The following PARK7 variants were observed in gnomAD, a reference collection of about 807,000 sequenced individuals.
PARK7 encodes Parkinsonism associated deglycase.
PARK7 carries 14 observed loss-of-function variants against 20.5 expected under a neutral mutation model. That is an observed-to-expected ratio of 0.68 (90% CI 0.45 to 1.07). The LOEUF is 1.07. Ranked by LOEUF, PARK7 falls within the 50% of genes least tolerant of loss-of-function variation. PARK7 has a pLI of 0.00. For missense variants in PARK7, 234 were observed against 238.1 expected, an observed-to-expected ratio of 0.98 and a Z score of 0.11; for synonymous variants, 98 against 84.3, an observed-to-expected ratio of 1.16 and a Z score of -0.89.
intron 2 of PARK7, among the ~76,000 whole-genome samples, chr1:7,963,513 G>A (rs1374040337): frequency 6.6e-6 from 1 of 151,662 alleles, no homozygotes; most frequent in Non-Finnish European, 1.5e-5. Flanking sequence ...CCTCAGCTGG[G>A]ATTACAGGTG....
In PARK7 at chr1:7,984,301, T is replaced by A. The variant is rs225119; in HGVS notation, c.410-593T>A. On this transcript the variant is annotated intron_variant, in intron 6 of 6. Coordinates refer to ENST00000338639, the MANE Select transcript of PARK7 (RefSeq NM_007262.5). The surrounding 1 kb of genome is among the most constrained non-coding windows in gnomAD (Gnocchi z 4.3). ...GGGCAGAGCTCAGGGCATCCATGCTTAAGAGTCCCAGTTTTGGTATTATAT... is the reference window on the plus strand; with the variant it reads ...GGGCAGAGCTCAGGGCATCCATGCTAAAGAGTCCCAGTTTTGGTATTATAT... Among the ~76,000 whole-genome samples the A allele has an allele frequency of 3.9e-5, 6 of 151,956 alleles. No individual in the cohort carries two copies. The highest frequency in any genetic ancestry group is 1.5e-4 in the African/African-American group (6 of 41,374).
At chr1:7,983,288 G>T (rs1388675875) in intron 6 of PARK7, among the ~76,000 whole-genome samples, 1 of 152,230 alleles carries the variant, frequency 6.6e-6, no homozygotes, top group Non-Finnish European at 1.5e-5. Flanking sequence ...TGCGTGGCCG[G>T]TGCATCAGGA....
At chr1:7,965,669 G>A (rs1184769973) in intron 3 of PARK7, among the ~76,000 whole-genome samples, 2 of 152,192 alleles carry the variant, frequency 1.3e-5, no homozygotes, top group African/African-American at 4.8e-5. Flanking sequence ...TTGGATGTGT[G>A]GCCAGATGGG....
chr1:7,969,362 G>A lies in PARK7; in HGVS notation c.210G>A (p.Val70=). ...TGTTACAGGGACCATATGATGTGGT[G>A]GTTCTACCAGGAGGTAATCTGGGCG... ...DAKKEGPYDV[V]VLPGGNLGAQ... is the part of the protein sequence containing the mutation. The change falls in exon 4 of 7, where the codon GTG becomes GTA. Residue 70 remains valine (V), a synonymous_variant. Coordinates refer to ENST00000338639, the MANE Select transcript of PARK7 (RefSeq NM_007262.5). The A allele has an allele frequency of 6.2e-7, 1 of 1,610,684 alleles. No individual in the cohort carries two copies.
chr1:7,966,759 G>A (rs1640339392), intron 3 of PARK7, among the ~76,000 whole-genome samples: 1 of 152,038 alleles, frequency 6.6e-6, no homozygotes, highest in African/African-American at 2.4e-5. Context: ...TTGTGTTTTT[G>A]TCATATGATG....
chr1:7,976,912 G>C (rs1640594629), intron 5 of PARK7, among the ~76,000 whole-genome samples: 1 of 152,116 alleles, frequency 6.6e-6, no homozygotes, highest in Non-Finnish European at 1.5e-5. Context: ...AGTAGAGACA[G>C]GGTTCCAGCG....
rs186710801 is a variant in PARK7, at chr1:7,977,557, T to C, written c.323-95T>C. ...ACCTAGGCCTCCCCAATTGCTGGGATTACAGGCATGAGCCACTGTGCCAGG... is the reference window on the plus strand; with the variant it reads ...ACCTAGGCCTCCCCAATTGCTGGGACTACAGGCATGAGCCACTGTGCCAGG... On this transcript the variant is annotated intron_variant, in intron 5 of 6. Transcript: ENST00000338639. 776 of 1,103,372 alleles carry C rather than the reference T, an allele frequency of 7.0e-4. 6 individuals carry two copies. In the African/African-American group the frequency reaches 0.01, roughly 15 times the overall value. The allele number at this position is 1,103,372 out of a possible 1,614,324, so 68.3% of individuals were successfully genotyped here.
chr1:7,966,937 C>T (rs933259263), intron 3 of PARK7, among the ~76,000 whole-genome samples: 3 of 152,088 alleles, frequency 2.0e-5, no homozygotes, highest in Non-Finnish European at 4.4e-5. Context: ...CGTTCAATAT[C>T]CTCCTTGCTA....
intron 3 of PARK7, among the ~76,000 whole-genome samples, chr1:7,968,606 C>T (rs1438222368): frequency 1.3e-5 from 2 of 152,062 alleles, no homozygotes; most frequent in African/African-American, 4.8e-5. Context: ...GCCTCTGCCT[C>T]CTAGGTTCAA....
At chr1:7,972,622 G>T (rs1466904282) in intron 5 of PARK7, among the ~76,000 whole-genome samples, 1 of 152,162 alleles carries the variant, frequency 6.6e-6, no homozygotes. Flanking sequence ...AAAAGTAATT[G>T]GCGTGGCACA....
chr1:7,971,126 TGAG>T, intron 5 of PARK7, 163 bp downstream of exon 5: 1 of 739,296 alleles, frequency 1.4e-6, no homozygotes, highest in Admixed American at 2.0e-5. Flanking sequence ...ATTTCAGAGA[TGAG>T]GACAATTGTT....
rs899237223 is a variant in PARK7, at chr1:7,984,084, C to T, written c.410-810C>T. Among the ~76,000 whole-genome samples the T allele has an allele frequency of 6.6e-6, 1 of 152,050 alleles. No individual in the cohort carries two copies. Among genetic ancestry groups the T allele is most frequent in the Non-Finnish European group, 1.5e-5 (1 of 68,024 alleles). Reference sequence around the variant, plus strand: ...TGAGGGGTTTTTGTTGATGCTGAAACTGAAGGAGCAAGGAACTGGAAAGAG... The same window carrying T: ...TGAGGGGTTTTTGTTGATGCTGAAATTGAAGGAGCAAGGAACTGGAAAGAG... On this transcript the variant is annotated intron_variant, in intron 6 of 6. Transcript: ENST00000338639. The surrounding 1 kb of genome is among the most constrained non-coding windows in gnomAD (Gnocchi z 4.3).
At chr1:7,979,944 G>T (rs2151437810) in intron 6 of PARK7, among the ~76,000 whole-genome samples, 1 of 152,220 alleles carries the variant, frequency 6.6e-6, no homozygotes, top group South Asian at 2.1e-4. Flanking sequence ...TAGATCACGA[G>T]GTCAGGAGAT....
chr1:7,968,205 G>T (rs1301616854), intron 3 of PARK7, among the ~76,000 whole-genome samples: 1 of 150,490 alleles, frequency 6.6e-6, no homozygotes, highest in Non-Finnish European at 1.5e-5. Context: ...TTGCTTGGGA[G>T]GCTGAGGCAG....
rs776867504 is a variant in PARK7, at chr1:7,965,302, TATG to T, written c.91-19_91-17del. 18 of 1,596,046 alleles carry T rather than the reference TATG, an allele frequency of 1.1e-5. 1 individual carries two copies. The South Asian group carries it at 1.2e-4, about 11-fold the overall frequency. On this transcript the variant is annotated intron_variant, in intron 2 of 6. Coordinates refer to ENST00000338639, the MANE Select transcript of PARK7 (RefSeq NM_007262.5). ...GAATTTATGTTTCAGTGTTCTTAAA[TATG>T]ATAACATCTTTCTCGTAGATTAAGG...
rs34787365 is a variant in PARK7, at chr1:7,963,819, C to CT, written c.90+959dup. Reference sequence around the variant, plus strand: ...CTCTTGTGTATCCATGCATGTGTGTCTTTTTTTTTTTTTTTAAGACAGAGT... The same window carrying CT: ...CTCTTGTGTATCCATGCATGTGTGTCTTTTTTTTTTTTTTTTAAGACAGAGT... On this transcript the variant is annotated intron_variant, in intron 2 of 6. Coordinates refer to ENST00000338639, the MANE Select transcript of PARK7 (RefSeq NM_007262.5). Among the ~76,000 whole-genome samples the CT allele has an allele frequency of 6.0e-4, 87 of 144,412 alleles. 1 individual carries two copies. Among genetic ancestry groups the CT allele is most frequent in the East Asian group, 3.6e-3 (18 of 4,940 alleles). 94.7% of individuals were successfully genotyped at this position (144,412 alleles called of 152,430 possible).
At chr1:7,979,361 G>T (rs1327225928) in intron 6 of PARK7, among the ~76,000 whole-genome samples, 1 of 152,054 alleles carries the variant, frequency 6.6e-6, no homozygotes, top group African/African-American at 2.4e-5. Context: ...TCAACATCCT[G>T]CACCAGAATC....
intron 2 of PARK7, 70 bp from the exon 3 acceptor site, chr1:7,965,254 T>C: frequency 6.9e-7 from 1 of 1,445,558 alleles, no homozygotes; most frequent in Non-Finnish European, 9.7e-7. Flanking sequence ...TTTTTTCTTT[T>C]TTTTTAAAGA....
intron 5 of PARK7, among the ~76,000 whole-genome samples, chr1:7,974,371 T>TGTAA (rs1460728182): frequency 6.6e-6 from 1 of 151,894 alleles, no homozygotes; most frequent in East Asian, 1.9e-4. Context: ...GGCTCACACC[T>TGTAA]GTAATCCCAG....
Sources: allele counts gnomAD v4.1 joint callset (sites outside exome capture counted in the v4.1 genomes callset), GRCh38; gene constraint gnomAD v4.1.1; non-coding constraint Gnocchi (gnomAD v3.1); transcripts MANE v1.5; gene names NCBI Gene and HGNC (gene_info 2026-07-23, HGNC 2026-07-21).